DPP10: variants seen among roughly 807,000 people sequenced by gnomAD.
DPP10 encodes inactive dipeptidyl peptidase 10.
DPP10 carries 33 observed loss-of-function variants against 120.9 expected under a neutral mutation model. The ratio of observed to expected loss-of-function variants is 0.27; its 90% CI spans 0.21 to 0.37. The LOEUF is 0.37. Among genes scored for constraint, DPP10 ranks in the 10% least tolerant of loss-of-function variants. The pLI, the probability that DPP10 is intolerant of heterozygous loss-of-function variation, is 1.00. For synonymous variants in DPP10, 337 were observed against 326.1 expected, an observed-to-expected ratio of 1.03 and a Z score of -0.36; for missense variants, 816 against 942.8, an observed-to-expected ratio of 0.87 and a Z score of 1.76.
At chr2:115,091,797 T>C (rs962947043) in intron 1 of DPP10, among the ~76,000 whole-genome samples, 4 of 152,226 alleles carry the variant, frequency 2.6e-5, no homozygotes, top group Non-Finnish European at 5.9e-5. Flanking sequence ...AGTGTCCATG[T>C]TTAGCCCACC....
intron 11 of DPP10, among the ~76,000 whole-genome samples, chr2:115,756,521 A>G (rs1679425360): frequency 6.6e-6 from 1 of 152,142 alleles, no homozygotes; most frequent in Admixed American, 6.6e-5. Flanking sequence ...ATGAAGAGGA[A>G]GAATATTTGA....
intron 5 of DPP10, among the ~76,000 whole-genome samples, chr2:115,568,267 G>T (rs560114918): frequency 6.6e-6 from 1 of 151,794 alleles, no homozygotes; most frequent in African/African-American, 2.4e-5. Context: ...GGCAGATCAC[G>T]AGGTCAAGAG....
At chr2:114,517,046 AGG>A in intron 1 of DPP10, among the ~76,000 whole-genome samples, 1 of 151,980 alleles carries the variant, frequency 6.6e-6, no homozygotes, top group Non-Finnish European at 1.5e-5. Context: ...AACTAACTTT[AGG>A]GTATTCTGTA....
intron 1 of DPP10, among the ~76,000 whole-genome samples, chr2:114,969,487 C>A: frequency 6.6e-6 from 1 of 152,164 alleles, no homozygotes; most frequent in Non-Finnish European, 1.5e-5. Context: ...CACACTCATA[C>A]ACACTAAATT....
intron 3 of DPP10, among the ~76,000 whole-genome samples, chr2:115,402,195 C>T (rs1294802600): frequency 6.6e-6 from 1 of 152,092 alleles, no homozygotes; most frequent in Non-Finnish European, 1.5e-5. Flanking sequence ...TCTCCTGGAC[C>T]CACAGTTTCT....
At chr2:115,615,743 G>A (rs72945987) in intron 5 of DPP10, among the ~76,000 whole-genome samples, 2,015 of 151,994 alleles carry the variant, frequency 0.013, 52 homozygotes, top group African/African-American at 0.046. Context: ...TAATATTTTC[G>A]AAAAATGGAA....
intron 1 of DPP10, among the ~76,000 whole-genome samples, chr2:114,653,516 G>A (rs1696760457): frequency 6.6e-6 from 1 of 152,158 alleles, no homozygotes; most frequent in Non-Finnish European, 1.5e-5. Flanking sequence ...CTATGCATCA[G>A]CTTGGGGTCG....
intron 1 of DPP10, among the ~76,000 whole-genome samples, chr2:114,680,478 C>T (rs1013499524): frequency 1.1e-4 from 16 of 151,856 alleles, no homozygotes; most frequent in African/African-American, 3.9e-4. Flanking sequence ...GTAATTTATT[C>T]CCTAGATTCC....
At chr2:114,799,153 T>G (rs1683971746) in intron 1 of DPP10, among the ~76,000 whole-genome samples, 1 of 152,194 alleles carries the variant, frequency 6.6e-6, no homozygotes, top group African/African-American at 2.4e-5. Flanking sequence ...TTAAAAAGTT[T>G]ATATTAAAGA....
intron 21 of DPP10, among the ~76,000 whole-genome samples, chr2:115,819,773 C>T (rs928796033): frequency 4.6e-5 from 7 of 152,212 alleles, no homozygotes; most frequent in Admixed American, 1.3e-4. Context: ...GTGGGCGGAT[C>T]GCCTGAGGTT....
At chr2:115,356,338 A>G (rs2064384781) in intron 3 of DPP10, among the ~76,000 whole-genome samples, 1 of 151,976 alleles carries the variant, frequency 6.6e-6, no homozygotes, top group Non-Finnish European at 1.5e-5. Flanking sequence ...GAGTTTATTC[A>G]TGATTTTGCC....
chr2:115,748,608 T>G (rs1416711049), intron 10 of DPP10, among the ~76,000 whole-genome samples: 1 of 152,114 alleles, frequency 6.6e-6, no homozygotes, highest in Non-Finnish European at 1.5e-5. Context: ...ATTGAAGATC[T>G]TAGGTCCTTT....
intron 1 of DPP10, among the ~76,000 whole-genome samples, chr2:115,300,549 G>A (rs919922604): frequency 5.3e-5 from 8 of 152,026 alleles, no homozygotes; most frequent in Non-Finnish European, 8.8e-5. Context: ...GAACAGAGGT[G>A]TACAAATATC....
chr2:114,844,760 A>G (rs992655385), intron 1 of DPP10, among the ~76,000 whole-genome samples: 5 of 151,882 alleles, frequency 3.3e-5, no homozygotes, highest in African/African-American at 1.2e-4. Flanking sequence ...ATATATTTAT[A>G]TATTTAAATT....
At chr2:115,290,171 T>C (rs1342611423) in intron 1 of DPP10, among the ~76,000 whole-genome samples, 2 of 152,032 alleles carry the variant, frequency 1.3e-5, no homozygotes, top group African/African-American at 4.8e-5. Context: ...CAAATAATTT[T>C]ATTAAAAGCA....
intron 5 of DPP10, among the ~76,000 whole-genome samples, chr2:115,618,279 A>G (rs983089030): frequency 6.6e-6 from 1 of 152,188 alleles, no homozygotes; most frequent in African/African-American, 2.4e-5. Flanking sequence ...AAGGCATAGC[A>G]TTTTATCTAA....
intron 1 of DPP10, among the ~76,000 whole-genome samples, chr2:114,561,842 T>C (rs1460577618): frequency 6.6e-6 from 1 of 152,234 alleles, no homozygotes; most frequent in Non-Finnish European, 1.5e-5. Flanking sequence ...CAAAACATTC[T>C]AGAAACTTCG....
rs149655239 is a variant in DPP10, at chr2:114,909,060, T to G, written c.61-400179T>G. Among the ~76,000 whole-genome samples, 157 of 151,992 alleles carry G rather than the reference T, an allele frequency of 1.0e-3. 1 individual carries two copies. Among genetic ancestry groups the G allele is most frequent in the African/African-American group, 3.3e-3 (137 of 41,550 alleles). Reference sequence around the variant, plus strand: ...AAAGAAATCACTACTAGGAATATATTTATTCCATCTAAGTTTTCAAATATG... The same window carrying G: ...AAAGAAATCACTACTAGGAATATATGTATTCCATCTAAGTTTTCAAATATG... On this transcript the variant is annotated intron_variant, in intron 1 of 25. Transcript: ENST00000410059.
chr2:115,116,849 A>G lies in DPP10; in HGVS notation c.61-192390A>G, dbSNP rs2049536018. Among the ~76,000 whole-genome samples the G allele has an allele frequency of 3.3e-5, 5 of 152,288 alleles. No individual in the cohort carries two copies. In the South Asian group the frequency reaches 6.2e-4, roughly 19 times the overall value. ...TTCCTCTTGTATTTTCTCTCTTTCT[A>G]GTTAAAATCAATACATAATGTAACA... On this transcript the variant is annotated intron_variant, in intron 1 of 25. Transcript: ENST00000410059.
Sources: allele counts gnomAD v4.1 joint callset (sites outside exome capture counted in the v4.1 genomes callset), GRCh38; gene constraint gnomAD v4.1.1; transcripts MANE v1.5; gene names NCBI Gene and HGNC (gene_info 2026-07-23, HGNC 2026-07-21).